CENPC: variants seen among roughly 807,000 people sequenced by gnomAD.
CENPC encodes the protein centromere protein C.
CENPC carries 63 observed loss-of-function variants against 112.1 expected under a neutral mutation model. The ratio of observed to expected loss-of-function variants is 0.56; its 90% confidence interval spans 0.46 to 0.69. The LOEUF (loss-of-function observed/expected upper bound fraction) is 0.69, where lower values mean the gene tolerates loss of function less well. CENPC is among the 30% of genes least tolerant of loss of function. The pLI, the probability that CENPC is intolerant of heterozygous loss-of-function variation, is 0.00. For missense variants in CENPC, 1,000 were observed against 1,103.8 expected, an observed-to-expected ratio of 0.91 and a Z score of 1.33; for synonymous variants, 333 against 367.6, an observed-to-expected ratio of 0.91 and a Z score of 1.08.
rs1442046176 is a variant in CENPC at position 67,469,990 on chromosome 4, G to GTGCT, written c.*2611_*2614dup. 1 of 152,218 alleles carries GTGCT rather than the reference G, an allele frequency of 6.6e-6. No homozygotes were observed. The highest frequency in any genetic ancestry group is 1.5e-5 in the Non-Finnish European group (1 of 68,032). The allele number at this position is 152,218 out of a possible 1,614,324, so 9.4% of individuals were successfully genotyped here. A position where few individuals can be genotyped will look rare whatever the true frequency, so the allele number is the denominator to read the frequency against. Reference sequence around the variant, plus strand: ...CTAATGTGGTAGCCACCAGTACCATGTGCTACTAAGCACTTGAAATGTGGC... The same window carrying GTGCT: ...CTAATGTGGTAGCCACCAGTACCATGTGCTTGCTACTAAGCACTTGAAATGTGGC... On this transcript the variant is annotated 3_prime_UTR_variant, in exon 19 of 19. Coordinates refer to ENST00000273853, the MANE Select transcript of CENPC (RefSeq NM_001812.4).
At chr4:67,479,247 T>C (rs1201269186) in intron 17 of CENPC, among the ~76,000 whole-genome samples, 1 of 152,168 alleles carries the variant, frequency 6.6e-6, no homozygotes, top group Non-Finnish European at 1.5e-5. Flanking sequence ...CAGAACATTC[T>C]ACCCAAAAAC....
intron 12 of CENPC, among the ~76,000 whole-genome samples, chr4:67,500,364 G>GTA (rs1033336975): frequency 5.9e-5 from 9 of 152,036 alleles, no homozygotes; most frequent in Admixed American, 3.3e-4. Flanking sequence ...ATGTGTGTGT[G>GTA]TATATATATA....
intron 18 of CENPC, among the ~76,000 whole-genome samples, chr4:67,473,991 T>C (rs1560415955): frequency 6.6e-6 from 1 of 152,218 alleles, no homozygotes; most frequent in Non-Finnish European, 1.5e-5. Context: ...AAAAACATAA[T>C]TTCTTAGAGA....
Position 67,528,842 on chromosome 4 carries a change from G to C in CENPC, c.331+1973C>G, listed in dbSNP as rs770998137. Among the ~76,000 whole-genome samples the C allele has an allele frequency of 2.6e-5, 4 of 152,084 alleles. No individual in the cohort carries two copies. In the East Asian group the frequency reaches 7.7e-4, roughly 29 times the overall value. On this transcript the variant is annotated intron_variant, in intron 5 of 18. Coordinates refer to ENST00000273853, the MANE Select transcript of CENPC (RefSeq NM_001812.4). Reference sequence around the variant, plus strand: ...TTCTTTTGGGTATATACCTAGGAGGGAAGTATTGGGTCATATGGTAGTTCT... The same window carrying C: ...TTCTTTTGGGTATATACCTAGGAGGCAAGTATTGGGTCATATGGTAGTTCT...
chr4:67,510,683 C>T, intron 9 of CENPC: 1 of 242,232 alleles, frequency 4.1e-6, no homozygotes, highest in South Asian at 5.6e-5. Context: ...CTCATTCCTG[C>T]CCCATGGCAA....
chr4:67,545,323 G>T lies in CENPC; in HGVS notation c.18+15C>A, dbSNP rs750957166. 1.1e-5 allele frequency: 16 copies of T among 1,471,832 alleles called. No individual in the cohort carries two copies. In the South Asian group the frequency reaches 2.1e-4, roughly 19 times the overall value. 91.2% of individuals were successfully genotyped at this position (1,471,832 alleles called of 1,614,324 possible). A position where few individuals can be genotyped will look rare whatever the true frequency, so the allele number is the denominator to read the frequency against. On this transcript the variant is annotated intron_variant, in intron 1 of 18. Coordinates refer to ENST00000273853, the MANE Select transcript of CENPC (RefSeq NM_001812.4). The stretch of plus-strand genomic sequence containing the variant: ...CCGCTCAACCACTCGCCTGGAGCGG[G>T]GGGCCTGCACTTACCAGACCGGACG...
At chr4:67,488,895 C>A (rs1725161431) in intron 17 of CENPC, among the ~76,000 whole-genome samples, 1 of 151,632 alleles carries the variant, frequency 6.6e-6, no homozygotes, top group African/African-American at 2.4e-5. Flanking sequence ...TTTTCCTTGC[C>A]TTGCCTAAAT....
At chr4:67,502,386 T>A (rs1725614705) in intron 12 of CENPC, among the ~76,000 whole-genome samples, 1 of 104,360 alleles carries the variant, frequency 9.6e-6, no homozygotes. Context: ...TAATAAAAGT[T>A]AAATAAAAAG....
chr4:67,497,357 G>A (rs911711076), intron 12 of CENPC, among the ~76,000 whole-genome samples: 4 of 152,034 alleles, frequency 2.6e-5, no homozygotes, highest in East Asian at 1.9e-4. Flanking sequence ...CACTCTGGGC[G>A]ACAGAGGGAC....
At position 67,509,106 on chromosome 4, in the gene CENPC, C is replaced by G. The variant is rs1437628743; in HGVS notation, c.1613-1G>C. 6.3e-7 allele frequency: 1 copy of G among 1,597,624 alleles called. No individual in the cohort carries two copies. Among genetic ancestry groups the G allele is most frequent in the Non-Finnish European group, 8.5e-7 (1 of 1,174,378 alleles). On this transcript the variant is annotated splice_acceptor_variant, in intron 9 of 18. Coordinates refer to ENST00000273853, the MANE Select transcript of CENPC (RefSeq NM_001812.4). LOFTEE classifies it high-confidence loss of function. ...ACTGAAGAATTGCTATAAACAGGAC[C>G]TGAAGGATTCAATGATAACCTAAAG... is the stretch of plus-strand genomic sequence containing the variant.
intron 17 of CENPC, among the ~76,000 whole-genome samples, chr4:67,487,021 T>C (rs1478493568): frequency 2.6e-5 from 4 of 151,318 alleles, no homozygotes; most frequent in African/African-American, 9.7e-5. Context: ...GACTACTTCT[T>C]GGATAGTGTT....
intron 17 of CENPC, among the ~76,000 whole-genome samples, chr4:67,485,929 T>A (rs1160776890): frequency 1.3e-5 from 2 of 152,104 alleles, no homozygotes; most frequent in African/African-American, 4.8e-5. Flanking sequence ...GCATTTAGAT[T>A]ACAGAATTCA....
At chr4:67,478,768 T>C (rs971314915) in intron 17 of CENPC, among the ~76,000 whole-genome samples, 6 of 152,088 alleles carry the variant, frequency 3.9e-5, no homozygotes, top group African/African-American at 7.3e-5. Context: ...ACTTAAAAGA[T>C]ACAGAACGGC....
chr4:67,502,690 T>C (rs1227687958), intron 12 of CENPC, among the ~76,000 whole-genome samples: 2 of 152,192 alleles, frequency 1.3e-5, no homozygotes, highest in Non-Finnish European at 2.9e-5. Flanking sequence ...TCAAGCTTAG[T>C]ATGTCCAAAT....
At position 67,514,318 on chromosome 4, in the gene CENPC, A is replaced by G. The variant is rs1725987516; in HGVS notation, c.1200T>C (p.Tyr400=). Residue 400 remains tyrosine (Y), a synonymous_variant, in exon 8 of 19, where the codon TAT becomes TAC. Transcript: ENST00000273853. ...ETVNNYRSTK[Y]EMYSKNAEKP... is the part of the protein sequence containing the mutation. The stretch of plus-strand genomic sequence containing the variant: ...TTTCTGCATTCTTGGAATACATTTC[A>G]TATTTTGTAGATCTATAATTATTTA... The G allele has an allele frequency of 1.9e-6, 3 of 1,610,670 alleles. No individual in the cohort carries two copies. The highest frequency in any genetic ancestry group is 2.7e-5 in the African/African-American group (2 of 74,858).
rs1198105261 is a variant in CENPC, at chr4:67,468,919, A to G, written c.*3686T>C. On this transcript the variant is annotated 3_prime_UTR_variant, in exon 19 of 19. Coordinates refer to ENST00000273853, the MANE Select transcript of CENPC (RefSeq NM_001812.4). ...TGAGAAAAACCAAAGGTCATACACT[A>G]TATTATTCCATTGCTACAACAATAT... 1 of 152,232 alleles carries G rather than the reference A, an allele frequency of 6.6e-6. No homozygotes were observed. Among genetic ancestry groups the G allele is most frequent in the African/African-American group, 2.4e-5 (1 of 41,468 alleles). The allele number at this position is 152,232 out of a possible 1,614,324, so 9.4% of individuals were successfully genotyped here. A position where few individuals can be genotyped will look rare whatever the true frequency, so the allele number is the denominator to read the frequency against.
intron 7 of CENPC, among the ~76,000 whole-genome samples, chr4:67,517,325 CTAA>C (rs1012755518): frequency 1.2e-4 from 18 of 151,554 alleles, no homozygotes; most frequent in African/African-American, 4.4e-4. Flanking sequence ...CCAAGCCCGA[CTAA>C]TTTTTGTATT....
intron 4 of CENPC, among the ~76,000 whole-genome samples, chr4:67,532,974 A>G (rs1726602652): frequency 6.6e-6 from 1 of 152,246 alleles, no homozygotes; most frequent in Non-Finnish European, 1.5e-5. Flanking sequence ...GAGTCCTTTT[A>G]GTGAAGCACC....
chr4:67,497,292 C>T (rs549359856), intron 12 of CENPC, among the ~76,000 whole-genome samples: 2 of 151,856 alleles, frequency 1.3e-5, no homozygotes, highest in South Asian at 2.1e-4. Context: ...GCAGGAGAAT[C>T]GCTTGAACCC....
Sources: allele counts gnomAD v4.1 joint callset (sites outside exome capture counted in the v4.1 genomes callset), GRCh38; gene constraint gnomAD v4.1.1; transcripts MANE v1.5; gene names NCBI Gene and HGNC (gene_info 2026-07-23, HGNC 2026-07-21).